Variants in GRM1 observed in about 807,000 individuals in gnomAD.
The protein encoded by GRM1 is metabotropic glutamate receptor 1.
Under a neutral mutation model 90.9 loss-of-function variants are expected in GRM1, and 33 were observed. The observed-to-expected ratio is 0.36, with a 90% confidence interval of 0.28 to 0.49. The LOEUF is 0.49. Among genes scored for constraint, GRM1 ranks in the 20% least tolerant of loss-of-function variants. GRM1 has a pLI of 0.99. For missense variants in GRM1, 1,190 were observed against 1,534.3 expected, an observed-to-expected ratio of 0.78 and a Z score of 3.75; for synonymous variants, 700 against 613.2, an observed-to-expected ratio of 1.14 and a Z score of -2.09.
At chr6:146,197,861 T>A (rs904213615) in intron 2 of GRM1, among the ~76,000 whole-genome samples, 5 of 152,236 alleles carry the variant, frequency 3.3e-5, no homozygotes, top group African/African-American at 9.6e-5. Context: ...TGTCACTTAA[T>A]GAATATAAAT....
chr6:146,201,442 T>A (rs1036877277), intron 2 of GRM1, among the ~76,000 whole-genome samples: 1 of 152,198 alleles, frequency 6.6e-6, no homozygotes, highest in Non-Finnish European at 1.5e-5. Flanking sequence ...AAGTCCAGGA[T>A]TAAAGTGCCT....
rs552261043 is a variant in GRM1 at position 146,196,596 on chromosome 6, T to C, written c.950+36999T>C. ...CTGGGATTACAGGCATGAGCCACCA[T>C]GCCCGGCCGTTCAGTTGTTTTTAAA... On this transcript the variant is annotated intron_variant, in intron 2 of 7. Transcript: ENST00000282753. Among the ~76,000 whole-genome samples the C allele has an allele frequency of 1.4e-3, 210 of 150,764 alleles. 1 individual carries two copies. Among genetic ancestry groups the C allele is most frequent in the African/African-American group, 4.7e-3 (192 of 41,014 alleles).
intron 2 of GRM1, among the ~76,000 whole-genome samples, chr6:146,235,837 C>A (rs2114716179): frequency 6.6e-6 from 1 of 151,282 alleles, no homozygotes; most frequent in Non-Finnish European, 1.5e-5. Context: ...CTGTTGTCCA[C>A]CTTTTTCACT....
At chr6:146,069,421 C>A (rs1775956140) in intron 1 of GRM1, among the ~76,000 whole-genome samples, 3 of 152,048 alleles carry the variant, frequency 2.0e-5, no homozygotes, top group Admixed American at 2.0e-4. Flanking sequence ...AACTTATGAC[C>A]ATCTCTAGAT....
At chr6:146,329,765 T>C (rs1784523309) in intron 3 of GRM1, among the ~76,000 whole-genome samples, 1 of 152,194 alleles carries the variant, frequency 6.6e-6, no homozygotes, top group African/African-American at 2.4e-5. Flanking sequence ...GCCTTAAATA[T>C]GCTCAGAAAT....
intron 1 of GRM1, among the ~76,000 whole-genome samples, chr6:146,157,864 A>G (rs369182872): frequency 1.6e-4 from 24 of 152,302 alleles, no homozygotes; most frequent in African/African-American, 4.8e-4. Flanking sequence ...GACTGTTTCT[A>G]TGTTCTTATT....
chr6:146,423,379 G>T (rs1052202781), intron 7 of GRM1, among the ~76,000 whole-genome samples: 1 of 152,090 alleles, frequency 6.6e-6, no homozygotes, highest in Non-Finnish European at 1.5e-5. Context: ...TAAAAGCAAG[G>T]TCTGTATGCA....
At chr6:146,141,984 T>C (rs1776895191) in intron 1 of GRM1, among the ~76,000 whole-genome samples, 2 of 152,178 alleles carry the variant, frequency 1.3e-5, no homozygotes, top group Admixed American at 6.5e-5. Context: ...GAGTTAGATA[T>C]TATAGTCTTC....
rs1031829886 is a variant in GRM1 at position 146,304,332 on chromosome 6, A to C, written c.951-279A>C. Among the ~76,000 whole-genome samples, 3 of 152,328 alleles carry C rather than the reference A, an allele frequency of 2.0e-5. No individual in the cohort carries two copies. The South Asian group carries it at 6.2e-4, about 32-fold the overall frequency. The stretch of plus-strand genomic sequence containing the variant: ...CCCTCTCAGTAAAAGTGAATGGCGC[A>C]GAATCTGATGACTAGTGAATACTCA... On this transcript the variant is annotated intron_variant, in intron 2 of 7. Transcript: ENST00000282753.
intron 1 of GRM1, among the ~76,000 whole-genome samples, chr6:146,139,369 G>C (rs189040077): frequency 6.6e-6 from 1 of 152,216 alleles, no homozygotes; most frequent in East Asian, 1.9e-4. Context: ...TTTCTGTGTT[G>C]ATTTTCTGTA....
chr6:146,068,743 T>C (rs1775934583), intron 1 of GRM1, among the ~76,000 whole-genome samples: 1 of 152,220 alleles, frequency 6.6e-6, no homozygotes, highest in Non-Finnish European at 1.5e-5. Context: ...AAAATTGGCT[T>C]GAATGTCTTG....
intron 2 of GRM1, among the ~76,000 whole-genome samples, chr6:146,264,016 G>A (rs1583241336): frequency 6.6e-6 from 1 of 152,082 alleles, no homozygotes; most frequent in South Asian, 2.1e-4. Context: ...ACATCTTAAT[G>A]AAAATTGTAT....
At chr6:146,090,224 C>G (rs1776671173) in intron 1 of GRM1, among the ~76,000 whole-genome samples, 1 of 152,042 alleles carries the variant, frequency 6.6e-6, no homozygotes. Context: ...GTTTAGAGAG[C>G]AACTCTTAAA....
intron 3 of GRM1, among the ~76,000 whole-genome samples, chr6:146,337,750 G>T (rs936844229): frequency 2.0e-5 from 3 of 151,994 alleles, no homozygotes. Flanking sequence ...AAATTATAAC[G>T]ACTTGAAAAT....
chr6:146,077,382 T>C (rs1201209708), intron 1 of GRM1, among the ~76,000 whole-genome samples: 1 of 152,188 alleles, frequency 6.6e-6, no homozygotes, highest in African/African-American at 2.4e-5. Flanking sequence ...TTTCAGTCAG[T>C]GGCTGCTTTG....
chr6:146,181,545 C>A (rs529882236), intron 2 of GRM1, among the ~76,000 whole-genome samples: 8 of 152,112 alleles, frequency 5.3e-5, no homozygotes, highest in African/African-American at 1.9e-4. Flanking sequence ...TTGAATATAC[C>A]TACAGCACTT....
chr6:146,206,619 GTT>G (rs11340139), intron 2 of GRM1, among the ~76,000 whole-genome samples: 51 of 145,568 alleles, frequency 3.5e-4, no homozygotes, highest in African/African-American at 9.4e-4. Flanking sequence ...TTCAAATAGT[GTT>G]TTTTTTTTTC....
intron 1 of GRM1, among the ~76,000 whole-genome samples, chr6:146,033,062 A>G (rs564416186): frequency 6.6e-6 from 1 of 152,188 alleles, no homozygotes; most frequent in Non-Finnish European, 1.5e-5. Context: ...GACAATTATC[A>G]ATTTACATAA....
rs557074892 is a variant in GRM1, at chr6:146,370,357, C to A, written c.1602+12663C>A. 7.2e-5 allele frequency among the ~76,000 whole-genome samples: 11 copies of A among 152,104 alleles called. No individual in the cohort carries two copies. In the South Asian group the frequency reaches 2.3e-3, roughly 32 times the overall value. On this transcript the variant is annotated intron_variant, in intron 5 of 7. Transcript: ENST00000282753. ...TCCTCATGGGTAGTGACATTATCTG[C>A]TTTGTTCACTGATTATTTCTAACCT...
Sources: gnomAD v4.1 joint callset for allele counts (sites outside exome capture counted in the v4.1 genomes callset) on GRCh38, gnomAD v4.1.1 for gene constraint, MANE v1.5 for transcripts, NCBI Gene and HGNC (gene_info 2026-07-23, HGNC 2026-07-21) for gene names.